ERBB4: variants seen among roughly 807,000 people sequenced by gnomAD.
ERBB4 encodes receptor tyrosine-protein kinase erbB-4.
A neutral mutation model predicts 158.0 loss-of-function variants in ERBB4; 42 were observed. The observed-to-expected ratio is 0.27, with a 90% CI of 0.21 to 0.34. ERBB4 has a LOEUF of 0.34. ERBB4 is among the 10% of genes least tolerant of loss of function. The pLI is 1.00. For synonymous variants in ERBB4, 583 were observed against 558.7 expected (o/e 1.04, Z -0.61); for missense variants, 1,333 against 1,624.1 (o/e 0.82, Z 3.08).
intron 20 of ERBB4, among the ~76,000 whole-genome samples, chr2:211,524,033 T>G (rs1052609714): frequency 5.3e-5 from 8 of 151,920 alleles, no homozygotes; most frequent in Non-Finnish European, 1.2e-4. Flanking sequence ...TACAGAGTGT[T>G]GATTGGTGCA....
intron 1 of ERBB4, among the ~76,000 whole-genome samples, chr2:212,152,881 AC>A (rs1258433403): frequency 2.6e-5 from 4 of 152,184 alleles, no homozygotes; most frequent in Non-Finnish European, 5.9e-5. Flanking sequence ...CAGAATGTAC[AC>A]AGAAGTAAGA....
At chr2:212,373,652 T>C (rs905943731) in intron 1 of ERBB4, among the ~76,000 whole-genome samples, 1 of 149,786 alleles carries the variant, frequency 6.7e-6, no homozygotes, top group South Asian at 2.1e-4. Flanking sequence ...TTCTATTTTA[T>C]ATGATATGGT....
chr2:211,605,700 A>C (rs759717801), intron 19 of ERBB4, among the ~76,000 whole-genome samples: 1 of 152,192 alleles, frequency 6.6e-6, no homozygotes, highest in African/African-American at 2.4e-5. Flanking sequence ...TACTATAGCT[A>C]CTAAGTCATT....
intron 20 of ERBB4, among the ~76,000 whole-genome samples, chr2:211,478,836 A>T (rs550826161): frequency 1.3e-5 from 2 of 152,272 alleles, no homozygotes; most frequent in South Asian, 4.1e-4. Flanking sequence ...CAGAAACAAA[A>T]CCAATTCCAG....
chr2:212,134,173 G>A (rs2080195613), intron 1 of ERBB4, among the ~76,000 whole-genome samples: 1 of 150,510 alleles, frequency 6.6e-6, no homozygotes, highest in Non-Finnish European at 1.5e-5. Flanking sequence ...TTTATCATAT[G>A]CTTTTGCAGT....
At chr2:211,428,575 AATC>A (rs2063684231) in intron 21 of ERBB4, 92 bp from the exon 22 acceptor site, 1 of 705,422 alleles carries the variant, frequency 1.4e-6, no homozygotes, top group Non-Finnish European at 2.6e-6. Flanking sequence ...GGCTGGCCTT[AATC>A]ATATTTTTTT....
intron 20 of ERBB4, among the ~76,000 whole-genome samples, chr2:211,545,440 T>C (rs1334357718): frequency 6.6e-6 from 1 of 152,060 alleles, no homozygotes; most frequent in African/African-American, 2.4e-5. Flanking sequence ...GCATTCTTGA[T>C]GAAAGCTTTG....
chr2:211,558,503 C>T (rs553488687), intron 20 of ERBB4, among the ~76,000 whole-genome samples: 13 of 152,266 alleles, frequency 8.5e-5, no homozygotes, highest in Admixed American at 6.5e-4. Flanking sequence ...AAGCAACATT[C>T]ACAGATTCTG....
At chr2:212,214,874 G>C (rs1308242403) in intron 1 of ERBB4, among the ~76,000 whole-genome samples, 1 of 151,580 alleles carries the variant, frequency 6.6e-6, no homozygotes, top group Non-Finnish European at 1.5e-5. Flanking sequence ...AATGGCAGAA[G>C]TGTAAATAGA....
chr2:211,936,761 C>T (rs550218198), intron 3 of ERBB4, among the ~76,000 whole-genome samples: 32 of 152,048 alleles, frequency 2.1e-4, no homozygotes, highest in Middle Eastern at 3.4e-3. Context: ...CTCTTTTCCC[C>T]GTAGAAGTGA....
chr2:212,364,405 T>G (rs79572867), intron 1 of ERBB4, among the ~76,000 whole-genome samples: 3 of 151,782 alleles, frequency 2.0e-5, no homozygotes, highest in Non-Finnish European at 4.4e-5. Flanking sequence ...AGTCAGCAAT[T>G]TGCAGAGTAG....
At chr2:211,618,129 T>G (rs547415853) in intron 19 of ERBB4, among the ~76,000 whole-genome samples, 1 of 152,068 alleles carries the variant, frequency 6.6e-6, no homozygotes, top group South Asian at 2.1e-4. Flanking sequence ...GAATTTGAAT[T>G]AAAAAAATAA....
intron 25 of ERBB4, among the ~76,000 whole-genome samples, chr2:211,400,594 ATAGAGAG>A (rs1432275541): frequency 6.6e-6 from 1 of 151,860 alleles, no homozygotes; most frequent in Non-Finnish European, 1.5e-5. Flanking sequence ...AATTATGGAG[ATAGAGAG>A]TAGAAGGATG....
At chr2:211,856,285 C>A (rs1265520722) in intron 3 of ERBB4, among the ~76,000 whole-genome samples, 1 of 152,134 alleles carries the variant, frequency 6.6e-6, no homozygotes, top group East Asian at 1.9e-4. Flanking sequence ...TTCAATTAGG[C>A]AATTACAGCC....
rs144603593 is a variant in ERBB4 at position 212,321,204 on chromosome 2, G to A, written c.83-196301C>T. 5.4e-3 allele frequency among the ~76,000 whole-genome samples: 816 copies of A among 150,420 alleles called. 12 individuals are homozygous for A. The highest frequency in any genetic ancestry group is 0.018 in the African/African-American group (726 of 41,354). ...TTTAAGTTTTATATTTTGCCATCGT[G>A]TAATTATGATATATTAATGCCTTAT... On this transcript the variant is annotated intron_variant, in intron 1 of 27. Coordinates refer to ENST00000342788, the MANE Select transcript of ERBB4 (RefSeq NM_005235.3).
intron 15 of ERBB4, among the ~76,000 whole-genome samples, chr2:211,664,968 T>A (rs1272322494): frequency 3.3e-5 from 5 of 152,170 alleles, no homozygotes; most frequent in Non-Finnish European, 5.9e-5. Context: ...CTTTAAAGAT[T>A]TGATAAACAC....
intron 1 of ERBB4, among the ~76,000 whole-genome samples, chr2:212,168,613 C>A (rs995663752): frequency 6.6e-6 from 1 of 152,036 alleles, no homozygotes; most frequent in Non-Finnish European, 1.5e-5. Context: ...GGAAAATTAA[C>A]GCAATAGATG....
intron 3 of ERBB4, among the ~76,000 whole-genome samples, chr2:211,844,234 G>C (rs1349068044): frequency 6.6e-6 from 1 of 151,812 alleles, no homozygotes; most frequent in Non-Finnish European, 1.5e-5. Context: ...ATCATACTAA[G>C]GGCAAAAACA....
At chr2:211,493,945 A>G (rs2065407392) in intron 20 of ERBB4, among the ~76,000 whole-genome samples, 1 of 152,144 alleles carries the variant, frequency 6.6e-6, no homozygotes, top group African/African-American at 2.4e-5. Context: ...CTAAAAATAA[A>G]GACCCTAATT....
Sources: allele counts gnomAD v4.1 joint callset (sites outside exome capture counted in the v4.1 genomes callset), GRCh38; gene constraint gnomAD v4.1.1; transcripts MANE v1.5; gene names NCBI Gene and HGNC (gene_info 2026-07-23, HGNC 2026-07-21).